ZCWPW2: variants seen among roughly 807,000 people sequenced by gnomAD.
The protein encoded by ZCWPW2 is zinc finger CW-type PWWP domain protein 2.
A neutral mutation model predicts 46.6 loss-of-function variants in ZCWPW2; 45 were observed. The ratio of observed to expected loss-of-function variants is 0.96; its 90% CI spans 0.76 to 1.24. The LOEUF is 1.24. Ranked by LOEUF, ZCWPW2 falls within the 50% of genes most tolerant of loss-of-function variation. The pLI is 0.00. For missense variants in ZCWPW2, 429 were observed against 403.9 expected (o/e 1.06, Z -0.53); for synonymous variants, 152 against 137.1 (o/e 1.11, Z -0.76).
intron 1 of ZCWPW2, among the ~76,000 whole-genome samples, chr3:28,379,797 A>G (rs1175230793): frequency 8.5e-5 from 13 of 152,250 alleles, no homozygotes; most frequent in Admixed American, 6.5e-4. Context: ...AAAACTAGAG[A>G]ATAGAAAAAC....
chr3:28,439,267 C>T (rs1339383329), intron 4 of ZCWPW2, among the ~76,000 whole-genome samples: 2 of 151,638 alleles, frequency 1.3e-5, no homozygotes, highest in African/African-American at 4.8e-5. Context: ...GTCCAAATCT[C>T]AAAACTGAAG....
At position 28,434,653 on chromosome 3, in the gene ZCWPW2, T is replaced by G. The variant is rs1697409984; in HGVS notation, c.333-457T>G. On this transcript the variant is annotated intron_variant, in intron 3 of 9. Coordinates refer to ENST00000383768, the MANE Select transcript of ZCWPW2 (RefSeq NM_001040432.4). ...TTGTCAAAGCCTGAGCTATCAGGAT[T>G]CCTTTGGCAGACCTGGCTCAGGAAA... Among the ~76,000 whole-genome samples, 9 of 152,314 alleles carry G rather than the reference T, an allele frequency of 5.9e-5. No individual in the cohort carries two copies. The South Asian group carries it at 1.9e-3, about 32-fold the overall frequency.
At chr3:28,376,066 C>G (rs1266588224) in intron 1 of ZCWPW2, among the ~76,000 whole-genome samples, 1 of 151,928 alleles carries the variant, frequency 6.6e-6, no homozygotes, top group Admixed American at 6.6e-5. Flanking sequence ...AGGTTGCTTC[C>G]AAATCTTAAC....
At chr3:28,400,050 G>A (rs1430277956) in intron 2 of ZCWPW2, among the ~76,000 whole-genome samples, 1 of 151,880 alleles carries the variant, frequency 6.6e-6, no homozygotes, top group Non-Finnish European at 1.5e-5. Context: ...GAAGTGAAGG[G>A]ACAAACATTC....
chr3:28,388,173 T>C (rs1294612916), intron 1 of ZCWPW2, among the ~76,000 whole-genome samples: 2 of 152,128 alleles, frequency 1.3e-5, no homozygotes, highest in Non-Finnish European at 2.9e-5. Flanking sequence ...CCACCTACAT[T>C]GTGGAAGACA....
chr3:28,475,095 C>T (rs1699191273), intron 4 of ZCWPW2, among the ~76,000 whole-genome samples: 1 of 152,036 alleles, frequency 6.6e-6, no homozygotes, highest in Non-Finnish European at 1.5e-5. Context: ...CTGTCCAACT[C>T]GGCCTCCTAA....
chr3:28,367,205 C>T (rs1157665701), intron 1 of ZCWPW2, among the ~76,000 whole-genome samples: 1 of 152,032 alleles, frequency 6.6e-6, no homozygotes, highest in East Asian at 1.9e-4. Flanking sequence ...TGTGTTTGCT[C>T]TTGCTTCTCT....
At chr3:28,450,844 C>T (rs1217044610) in intron 4 of ZCWPW2, among the ~76,000 whole-genome samples, 4 of 152,172 alleles carry the variant, frequency 2.6e-5, no homozygotes, top group Non-Finnish European at 4.4e-5. Flanking sequence ...TATTGCTAAA[C>T]TTGAGCTTTA....
intron 4 of ZCWPW2, among the ~76,000 whole-genome samples, chr3:28,473,681 G>A (rs879483326): frequency 5.3e-5 from 8 of 152,178 alleles, no homozygotes; most frequent in Admixed American, 5.2e-4. Context: ...ACACACCGTG[G>A]AATACTATTC....
chr3:28,382,077 G>A (rs1294722284), intron 1 of ZCWPW2, among the ~76,000 whole-genome samples: 3 of 149,506 alleles, frequency 2.0e-5, no homozygotes, highest in Non-Finnish European at 3.0e-5. Context: ...CGGGAGAATC[G>A]CTTGAACCTG....
intron 1 of ZCWPW2, among the ~76,000 whole-genome samples, chr3:28,353,022 A>G (rs1187843013): frequency 6.6e-6 from 1 of 152,040 alleles, no homozygotes; most frequent in African/African-American, 2.4e-5. Context: ...CATCTCTACT[A>G]AAATACAAAA....
Position 28,413,107 on chromosome 3 carries a change from T to A in ZCWPW2, c.39T>A (p.Cys13Ter). 6.2e-7 allele frequency: 1 copy of A among 1,612,542 alleles called. No homozygotes were observed. The highest frequency in any genetic ancestry group is 1.1e-5 in the South Asian group (1 of 90,966). ...AATTGGATGTTAAGATTGAATATTGTAACTATGCAATGGATTCCTCAGTGG... is the reference window on the plus strand; with the variant it reads ...AATTGGATGTTAAGATTGAATATTGAAACTATGCAATGGATTCCTCAGTGG... ...KEKLDVKIEYCNYAMDSSVEN... is the reference protein window; with the variant it reads ...KEKLDVKIEY Residue 13 changes from cysteine to a stop codon, truncating the protein, a stop_gained, in exon 3 of 10, where the codon TGT (cysteine) becomes TGA (stop). Coordinates refer to ENST00000383768, the MANE Select transcript of ZCWPW2 (RefSeq NM_001040432.4). LOFTEE classifies it high-confidence loss of function.
chr3:28,356,760 A>T (rs1704746256), intron 1 of ZCWPW2, among the ~76,000 whole-genome samples: 1 of 152,214 alleles, frequency 6.6e-6, no homozygotes, highest in South Asian at 2.1e-4. Context: ...AAGGACAGTA[A>T]ACCAAACACC....
chr3:28,396,246 A>G (rs1575086647), intron 2 of ZCWPW2, among the ~76,000 whole-genome samples: 1 of 152,150 alleles, frequency 6.6e-6, no homozygotes, highest in African/African-American at 2.4e-5. Context: ...AGTATGAAAA[A>G]TTATACTTCA....
At chr3:28,438,741 C>T (rs941709151) in intron 4 of ZCWPW2, among the ~76,000 whole-genome samples, 1 of 152,060 alleles carries the variant, frequency 6.6e-6, no homozygotes, top group East Asian at 1.9e-4. Context: ...TACTTTAAAG[C>T]CACTGTCTTA....
chr3:28,432,037 C>A (rs1432846924), intron 3 of ZCWPW2, among the ~76,000 whole-genome samples: 1 of 152,136 alleles, frequency 6.6e-6, no homozygotes, highest in Non-Finnish European at 1.5e-5. Flanking sequence ...ATCACAAGAA[C>A]AGCAGCATTG....
chr3:28,495,529 C>T (rs1397717595), intron 6 of ZCWPW2, among the ~76,000 whole-genome samples: 1 of 152,000 alleles, frequency 6.6e-6, no homozygotes. Flanking sequence ...CAGATCTGAC[C>T]TTTAAACTAT....
intron 1 of ZCWPW2, among the ~76,000 whole-genome samples, chr3:28,366,752 G>A (rs573253433): frequency 2.6e-5 from 4 of 152,098 alleles, no homozygotes; most frequent in African/African-American, 4.8e-5. Context: ...GGTAGAATTC[G>A]GCTGTGAATC....
intron 6 of ZCWPW2, among the ~76,000 whole-genome samples, chr3:28,508,880 T>C (rs1380603130): frequency 1.3e-5 from 2 of 152,192 alleles, no homozygotes; most frequent in Admixed American, 6.6e-5. Flanking sequence ...TTATTGAGAT[T>C]TAATTTGTAT....
Sources: gnomAD v4.1 joint callset for allele counts (sites outside exome capture counted in the v4.1 genomes callset) on GRCh38, gnomAD v4.1.1 for gene constraint, MANE v1.5 for transcripts, NCBI Gene and HGNC (gene_info 2026-07-23, HGNC 2026-07-21) for gene names.